PLCB4: variants seen among roughly 807,000 people sequenced by gnomAD.
PLCB4 encodes 1-phosphatidylinositol 4,5-bisphosphate phosphodiesterase beta-4.
Under a neutral mutation model 178.8 loss-of-function variants are expected in PLCB4, and 77 were observed. The ratio of observed to expected loss-of-function variants is 0.43; its 90% CI spans 0.36 to 0.52. The LOEUF (loss-of-function observed/expected upper bound fraction) is 0.52, where lower values mean the gene tolerates loss of function less well. Among genes scored for constraint, PLCB4 ranks in the 20% least tolerant of loss-of-function variants. The pLI is 0.00. For missense variants in PLCB4, 1,024 were observed against 1,453.4 expected (o/e 0.70, Z 4.80); for synonymous variants, 496 against 490.8 (o/e 1.01, Z -0.14).
intron 2 of PLCB4, among the ~76,000 whole-genome samples, chr20:9,170,138 C>A (rs1487760985): frequency 6.6e-6 from 1 of 152,220 alleles, no homozygotes; most frequent in Admixed American, 6.5e-5. Context: ...CTTCCCCAAC[C>A]TTTACGTTCT....
intron 2 of PLCB4, among the ~76,000 whole-genome samples, chr20:9,097,070 G>T (rs1214662947): frequency 6.6e-6 from 1 of 151,814 alleles, no homozygotes; most frequent in Admixed American, 6.6e-5. Context: ...AAGTAGGTGG[G>T]TCTATAGGTG....
chr20:9,287,589 G>C (rs571862578), intron 3 of PLCB4, among the ~76,000 whole-genome samples: 2 of 152,080 alleles, frequency 1.3e-5, no homozygotes, highest in African/African-American at 4.8e-5. Flanking sequence ...TTTGAAAATG[G>C]TTGTAATATT....
At chr20:9,257,761 GATAACTAAAAT>G (rs1274529172) in intron 3 of PLCB4, among the ~76,000 whole-genome samples, 4 of 152,250 alleles carry the variant, frequency 2.6e-5, no homozygotes, top group Middle Eastern at 6.8e-3. Flanking sequence ...GGGAAAAGTA[GATAACTAAAAT>G]ATAAATTTTA....
rs183698736 is a variant in PLCB4 at position 9,167,852 on chromosome 20, C to A, written c.-78-49538C>A. ...TGTAGTTATGAAACAAACGGTGAAA[C>A]CATGACTAGCCACAGATATTTGAGC... On this transcript the variant is annotated intron_variant, in intron 2 of 39. Coordinates refer to ENST00000378473, the MANE Select transcript of PLCB4 (RefSeq NM_001377142.1). Among the ~76,000 whole-genome samples, 387 of 152,216 alleles carry A rather than the reference C, an allele frequency of 2.5e-3. 4 individuals are homozygous for A. Among genetic ancestry groups the A allele is most frequent in the Non-Finnish European group, 7.5e-4 (51 of 68,010 alleles).
intron 3 of PLCB4, among the ~76,000 whole-genome samples, chr20:9,258,740 A>G (rs1178473704): frequency 6.7e-6 from 1 of 148,668 alleles, no homozygotes; most frequent in South Asian, 2.1e-4. Context: ...AAAAAAAGAT[A>G]ATTTCTAGAG....
intron 2 of PLCB4, among the ~76,000 whole-genome samples, chr20:9,108,066 A>G (rs1353597194): frequency 6.6e-6 from 1 of 152,170 alleles, no homozygotes; most frequent in Non-Finnish European, 1.5e-5. Flanking sequence ...ATTTGCTAGA[A>G]TGGGGAAGAC....
chr20:9,145,465 T>C (rs571845844), intron 2 of PLCB4, among the ~76,000 whole-genome samples: 1 of 152,148 alleles, frequency 6.6e-6, no homozygotes, highest in Non-Finnish European at 1.5e-5. Flanking sequence ...TAATTCAAAA[T>C]TCATAATGAT....
Position 9,408,206 on chromosome 20 carries a change from G to A in PLCB4, c.1789+148G>A, listed in dbSNP as rs151031566. Reference sequence around the variant, plus strand: ...TATTTTTGTTTCACAGACCATAGAAGCCACCTTGGTATGTGGTGACATTAC... The same window carrying A: ...TATTTTTGTTTCACAGACCATAGAAACCACCTTGGTATGTGGTGACATTAC... On this transcript the variant is annotated intron_variant, in intron 22 of 39. Coordinates refer to ENST00000378473, the MANE Select transcript of PLCB4 (RefSeq NM_001377142.1). 638 of 683,966 alleles carry A rather than the reference G, an allele frequency of 9.3e-4. 2 individuals carry two copies. The African/African-American group carries it at 0.01, about 11-fold the overall frequency. The allele number at this position is 683,966 out of a possible 1,614,324, so 42.4% of individuals were successfully genotyped here. A position where few individuals can be genotyped will look rare whatever the true frequency, so the allele number is the denominator to read the frequency against.
chr20:9,269,392 A>G (rs1021512593), intron 3 of PLCB4, among the ~76,000 whole-genome samples: 1 of 152,188 alleles, frequency 6.6e-6, no homozygotes, highest in Non-Finnish European at 1.5e-5. Flanking sequence ...TTTGAAGTAC[A>G]TTGGAAGTGG....
intron 2 of PLCB4, among the ~76,000 whole-genome samples, chr20:9,144,847 A>C (rs193102939): frequency 5.7e-4 from 86 of 152,104 alleles, no homozygotes; most frequent in Non-Finnish European, 1.1e-3. Flanking sequence ...AAGGCCATAC[A>C]CATACGCAGC....
chr20:9,477,831 C>T (rs564209635), intron 39 of PLCB4, among the ~76,000 whole-genome samples: 2 of 152,206 alleles, frequency 1.3e-5, no homozygotes, highest in African/African-American at 4.8e-5. Flanking sequence ...AATTTTGTCA[C>T]AAGAATTCAT....
In PLCB4 at chr20:9,321,737, G is replaced by A. The variant is rs137881015; in HGVS notation, c.84+13839G>A. 1.3e-4 allele frequency among the ~76,000 whole-genome samples: 20 copies of A among 152,054 alleles called. 1 individual carries two copies. In the East Asian group the frequency reaches 1.7e-3, roughly 13 times the overall value. ...AAACCTCTGCCCCCCAAGTTCAAGC[G>A]ATTCTTCTGCCTCAGCCTCCCAAGT... On this transcript the variant is annotated intron_variant, in intron 4 of 39. Coordinates refer to ENST00000378473, the MANE Select transcript of PLCB4 (RefSeq NM_001377142.1).
chr20:9,187,213 G>A (rs576549060), intron 2 of PLCB4, among the ~76,000 whole-genome samples: 5 of 151,992 alleles, frequency 3.3e-5, no homozygotes, highest in African/African-American at 1.2e-4. Flanking sequence ...GACCTCAAGT[G>A]ATCTGTCCGC....
chr20:9,425,004 C>T (rs138043733), intron 28 of PLCB4, among the ~76,000 whole-genome samples: 1 of 151,946 alleles, frequency 6.6e-6, no homozygotes, highest in East Asian at 1.9e-4. Flanking sequence ...TTTTTCCATC[C>T]CAAAATTCAT....
At chr20:9,187,316 G>A (rs370131457) in intron 2 of PLCB4, among the ~76,000 whole-genome samples, 1 of 151,970 alleles carries the variant, frequency 6.6e-6, no homozygotes, top group Non-Finnish European at 1.5e-5. Context: ...ACCCACTGCC[G>A]TGCTCTCTCT....
chr20:9,171,085 T>G (rs1233694845), intron 2 of PLCB4, among the ~76,000 whole-genome samples: 1 of 152,184 alleles, frequency 6.6e-6, no homozygotes, highest in Non-Finnish European at 1.5e-5. Flanking sequence ...CTCTGAAAAC[T>G]CACACAGCTC....
chr20:9,438,767 T>C (rs2041935368), intron 30 of PLCB4, among the ~76,000 whole-genome samples: 1 of 152,166 alleles, frequency 6.6e-6, no homozygotes, highest in African/African-American at 2.4e-5. Context: ...AAGTGAAGAC[T>C]ACAAAATTAT....
intron 3 of PLCB4, among the ~76,000 whole-genome samples, chr20:9,249,313 T>C (rs2094155988): frequency 6.6e-6 from 1 of 152,172 alleles, no homozygotes; most frequent in African/African-American, 2.4e-5. Flanking sequence ...GTTGGTGTGC[T>C]GCACCCATTT....
At chr20:9,459,248 G>A (rs2043239478) in intron 34 of PLCB4, among the ~76,000 whole-genome samples, 1 of 152,146 alleles carries the variant, frequency 6.6e-6, no homozygotes, top group Non-Finnish European at 1.5e-5. Flanking sequence ...GGAAGCTGAG[G>A]CAGGAGAATC....
Sources: allele counts gnomAD v4.1 joint callset (sites outside exome capture counted in the v4.1 genomes callset), GRCh38; gene constraint gnomAD v4.1.1; transcripts MANE v1.5; gene names NCBI Gene and HGNC (gene_info 2026-07-23, HGNC 2026-07-21).